NR3C1: variants seen among roughly 807,000 people sequenced by gnomAD.
NR3C1 encodes the protein glucocorticoid receptor.
NR3C1 carries 14 observed loss-of-function variants against 74.0 expected under a neutral mutation model. The observed-to-expected ratio is 0.19, with a 90% confidence interval of 0.12 to 0.30. NR3C1 has a LOEUF of 0.30. Among genes scored for constraint, NR3C1 ranks in the 10% least tolerant of loss-of-function variants. The pLI is 1.00. For missense variants in NR3C1, 695 were observed against 909.8 expected, an observed-to-expected ratio of 0.76 and a Z score of 3.04; for synonymous variants, 308 against 332.5, an observed-to-expected ratio of 0.93 and a Z score of 0.80.
At chr5:143,387,142 T>G (rs1221302619) in intron 2 of NR3C1, among the ~76,000 whole-genome samples, 1 of 152,210 alleles carries the variant, frequency 6.6e-6, no homozygotes, top group Non-Finnish European at 1.5e-5. Context: ...TGTGTTGGCT[T>G]CTCAGGGAAC....
In NR3C1 at chr5:143,279,354, G is replaced by T. The variant is rs751141668; in HGVS notation, c.*2535C>A. On this transcript the variant is annotated 3_prime_UTR_variant, in exon 9 of 9. Coordinates refer to ENST00000394464, the MANE Select transcript of NR3C1 (RefSeq NM_000176.3). ...CTATTTTTTGAGCGCCAAGATTGTT[G>T]GGATGAAAATCAGATTAATGTGTGA... The T allele has an allele frequency of 2.6e-6, 4 of 1,550,022 alleles. No individual in the cohort carries two copies. The highest frequency in any genetic ancestry group is 1.7e-4 in the Middle Eastern group (1 of 6,002).
At chr5:143,405,539 C>T (rs965468441), upstream of NR3C1, among the ~76,000 whole-genome samples, 3 of 152,166 alleles carry the variant, frequency 2.0e-5, no homozygotes, top group Non-Finnish European at 4.4e-5. Flanking sequence ...AAACGGTTCC[C>T]TGTGCATTGT....
intron 2 of NR3C1, among the ~76,000 whole-genome samples, chr5:143,324,467 T>C (rs1824108823): frequency 1.3e-5 from 2 of 152,162 alleles, no homozygotes; most frequent in Admixed American, 6.5e-5. Flanking sequence ...GTCCCTAGCC[T>C]ACACATAGCA....
chr5:143,402,683 G>GC (rs1210230037), intron 1 of NR3C1: 2 of 985,376 alleles, frequency 2.0e-6, no homozygotes, highest in Middle Eastern at 5.2e-4. Context: ...CGGGCTGTCA[G>GC]CCCCCCGCGT....
At chr5:143,304,425 G>C (rs572078603) in intron 4 of NR3C1, among the ~76,000 whole-genome samples, 1 of 152,000 alleles carries the variant, frequency 6.6e-6, no homozygotes, top group Non-Finnish European at 1.5e-5. Context: ...CAAACAAATG[G>C]AATAACATTC....
At chr5:143,388,135 T>A (rs538671669) in intron 2 of NR3C1, among the ~76,000 whole-genome samples, 1 of 152,234 alleles carries the variant, frequency 6.6e-6, no homozygotes, top group African/African-American at 2.4e-5. Context: ...AATTTTTCAA[T>A]GGTAAACAGA....
upstream of NR3C1, chr5:143,403,868 G>T (rs1307981037): frequency 4.1e-6 from 4 of 976,082 alleles, no homozygotes; most frequent in Non-Finnish European, 4.9e-6. Flanking sequence ...CCCCGGCCCC[G>T]ACGGCGCCTG....
At chr5:143,327,449 T>C (rs188001611) in intron 2 of NR3C1, among the ~76,000 whole-genome samples, 3 of 152,282 alleles carry the variant, frequency 2.0e-5, no homozygotes, top group Non-Finnish European at 4.4e-5. Context: ...CCCATGTCTT[T>C]TTACATTTTA....
chr5:143,397,284 A>G (rs1414817554), intron 2 of NR3C1, among the ~76,000 whole-genome samples: 1 of 151,914 alleles, frequency 6.6e-6, no homozygotes, highest in Non-Finnish European at 1.5e-5. Flanking sequence ...GTGGCATTTA[A>G]TATTTTTCTT....
At chr5:143,323,196 C>T (rs1823747295) in intron 2 of NR3C1, among the ~76,000 whole-genome samples, 1 of 152,170 alleles carries the variant, frequency 6.6e-6, no homozygotes, top group Non-Finnish European at 1.5e-5. Context: ...CCCTTACTAG[C>T]CATCTGTATT....
At chr5:143,356,807 G>A (rs559261491) in intron 2 of NR3C1, among the ~76,000 whole-genome samples, 1 of 152,116 alleles carries the variant, frequency 6.6e-6, no homozygotes, top group East Asian at 1.9e-4. Context: ...TCAGATGTAC[G>A]TTACTTTTCC....
intron 7 of NR3C1, among the ~76,000 whole-genome samples, chr5:143,287,485 G>A (rs1324733741): frequency 6.6e-6 from 1 of 151,962 alleles, no homozygotes; most frequent in East Asian, 1.9e-4. Flanking sequence ...TATAAATTCT[G>A]AATAGATCTA....
At chr5:143,412,810 G>A (rs1841337663) in intron 1 of NR3C1, among the ~76,000 whole-genome samples, 1 of 152,188 alleles carries the variant, frequency 6.6e-6, no homozygotes, top group African/African-American at 2.4e-5. Context: ...CAACCCTAAT[G>A]ACCAGAAGAA....
chr5:143,334,644 C>G (rs1201618199), intron 2 of NR3C1, among the ~76,000 whole-genome samples: 1 of 151,368 alleles, frequency 6.6e-6, no homozygotes, highest in Admixed American at 6.6e-5. Flanking sequence ...TCTGGAGAGT[C>G]CTGGGGCCTT....
intron 4 of NR3C1, among the ~76,000 whole-genome samples, chr5:143,301,403 T>C (rs1204699147): frequency 6.6e-6 from 1 of 152,126 alleles, no homozygotes; most frequent in Non-Finnish European, 1.5e-5. Context: ...TAAAAACATT[T>C]GGGAAGATGA....
At chr5:143,344,973 T>C (rs534157084) in intron 2 of NR3C1, among the ~76,000 whole-genome samples, 1 of 152,200 alleles carries the variant, frequency 6.6e-6, no homozygotes, top group East Asian at 1.9e-4. Context: ...GTTCTTCCCA[T>C]GTCTGTGTAG....
At position 143,399,720 on chromosome 5, in the gene NR3C1, T is replaced by C. The variant is rs1839893279; in HGVS notation, c.1120A>G (p.Asn374Asp). The change falls in exon 2 of 9, where the codon AAC (asparagine) becomes GAC (aspartate). Residue 374 changes from asparagine to aspartate, a missense_variant. Coordinates refer to ENST00000394464, the MANE Select transcript of NR3C1 (RefSeq NM_000176.3). ...WNRCQGSGDD[N>D]LTSLGTLNFP... The stretch of plus-strand genomic sequence containing the variant: ...TTCAGAGTCCCCAGAGAAGTCAAGT[T>C]GTCATCTCCAGATCCTTGGCACCTA... 3 of 1,614,070 alleles carry C rather than the reference T, an allele frequency of 1.9e-6. No individual in the cohort carries two copies. The highest frequency in any genetic ancestry group is 2.2e-5 in the East Asian group (1 of 44,892).
At chr5:143,334,798 A>G (rs1826762581) in intron 2 of NR3C1, among the ~76,000 whole-genome samples, 1 of 152,144 alleles carries the variant, frequency 6.6e-6, no homozygotes, top group African/African-American at 2.4e-5. Context: ...CATTGGAAGC[A>G]GTAAGTTTTC....
intron 4 of NR3C1, among the ~76,000 whole-genome samples, chr5:143,309,175 G>T (rs1311392793): frequency 6.6e-6 from 1 of 150,562 alleles, no homozygotes; most frequent in Non-Finnish European, 1.5e-5. Flanking sequence ...CCGGGTTCAA[G>T]TGATTCTCCT....
Sources: gnomAD v4.1 joint callset for allele counts (sites outside exome capture counted in the v4.1 genomes callset) on GRCh38, gnomAD v4.1.1 for gene constraint, MANE v1.5 for transcripts, NCBI Gene and HGNC (gene_info 2026-07-23, HGNC 2026-07-21) for gene names.